VMP1: variants seen among roughly 807,000 people sequenced by gnomAD.
The protein encoded by VMP1 is vacuole membrane protein 1, also known as ectopic P-granules autophagy protein 3 homolog.
Under a neutral mutation model 56.0 loss-of-function variants are expected in VMP1, and 11 were observed. That is an observed-to-expected ratio of 0.20 (90% CI 0.12 to 0.32). The LOEUF is 0.32. VMP1 is among the 10% of genes least tolerant of loss of function. The pLI, the probability that VMP1 is intolerant of heterozygous loss-of-function variation, is 1.00. For synonymous variants in VMP1, 149 were observed against 165.0 expected, an observed-to-expected ratio of 0.90 and a Z score of 0.74; for missense variants, 296 against 490.3, an observed-to-expected ratio of 0.60 and a Z score of 3.74.
At chr17:59,790,815 A>G (rs2037198291) in intron 7 of VMP1, among the ~76,000 whole-genome samples, 1 of 152,206 alleles carries the variant, frequency 6.6e-6, no homozygotes, top group African/African-American at 2.4e-5. Context: ...TTTAAAGTTT[A>G]CACTCAAATT....
intron 10 of VMP1, 73 bp downstream of exon 10, chr17:59,817,846 T>C (rs2038299736): frequency 8.3e-7 from 1 of 1,204,760 alleles, no homozygotes; most frequent in South Asian, 1.6e-5. Context: ...CAAGACTGAA[T>C]TGAAATAGAA....
chr17:59,807,258 T>G (rs2144204480), intron 7 of VMP1, among the ~76,000 whole-genome samples: 1 of 150,160 alleles, frequency 6.7e-6, no homozygotes, highest in African/African-American at 2.5e-5. Flanking sequence ...AGTGCAGTGG[T>G]GCGATTTCAG....
Position 59,809,002 on chromosome 17 carries a change from C to G in VMP1, c.795+126C>G, listed in dbSNP as rs572977371. The stretch of plus-strand genomic sequence containing the variant: ...GGTATGTAATTTTGTGAATCATTCA[C>G]CTTTTTTTTTTTTTAAGACGGAGTC... On this transcript the variant is annotated intron_variant, in intron 8 of 11. Coordinates refer to ENST00000262291, the MANE Select transcript of VMP1 (RefSeq NM_030938.5). 2.4e-4 allele frequency: 186 copies of G among 759,340 alleles called. No homozygotes were observed. The African/African-American group carries it at 2.7e-3, about 11-fold the overall frequency. 47.0% of individuals were successfully genotyped at this position (759,340 alleles called of 1,614,324 possible).
At chr17:59,772,488 G>T (rs2036462140) in intron 6 of VMP1, among the ~76,000 whole-genome samples, 1 of 151,750 alleles carries the variant, frequency 6.6e-6, no homozygotes, top group African/African-American at 2.4e-5. Flanking sequence ...GCAGAGCTTG[G>T]CTGGGCGTGG....
intron 5 of VMP1, among the ~76,000 whole-genome samples, chr17:59,751,144 G>A (rs977835266): frequency 5.9e-5 from 9 of 152,084 alleles, no homozygotes; most frequent in Non-Finnish European, 2.9e-5. Flanking sequence ...GTGTTAGCCA[G>A]GATGGTCTTG....
At chr17:59,771,696 T>C (rs1347874918) in intron 6 of VMP1, among the ~76,000 whole-genome samples, 1 of 142,556 alleles carries the variant, frequency 7.0e-6, no homozygotes, top group Non-Finnish European at 1.5e-5. Flanking sequence ...AGCCTTGACC[T>C]CCTGGGCCCA....
intron 1 of VMP1, among the ~76,000 whole-genome samples, chr17:59,713,812 G>A (rs2143702132): frequency 6.6e-6 from 1 of 151,092 alleles, no homozygotes; most frequent in East Asian, 1.9e-4. Flanking sequence ...AGGCCAAGGT[G>A]CGCAGATCAC....
intron 6 of VMP1, among the ~76,000 whole-genome samples, chr17:59,771,606 GT>G (rs1306304917): frequency 0.014 from 1,727 of 123,428 alleles, 7 homozygotes; most frequent in African/African-American, 0.027. Flanking sequence ...GGTTTTTTTG[GT>G]TTTTTTTTTT....
At chr17:59,798,900 A>G (rs1399243495) in intron 7 of VMP1, among the ~76,000 whole-genome samples, 1 of 152,222 alleles carries the variant, frequency 6.6e-6, no homozygotes, top group Non-Finnish European at 1.5e-5. Flanking sequence ...AGAAAAAAAT[A>G]AAAAGAAAAA....
intron 10 of VMP1, 190 bp from the exon 11 acceptor site, chr17:59,838,105 T>C (rs1012341617): frequency 6.1e-4 from 157 of 257,130 alleles, no homozygotes; most frequent in Middle Eastern, 4.1e-3. Context: ...ATTTTCTTTT[T>C]TTTTTTTTTT....
intron 10 of VMP1, among the ~76,000 whole-genome samples, chr17:59,830,073 C>G (rs1478869916): frequency 6.6e-6 from 1 of 152,126 alleles, no homozygotes; most frequent in Non-Finnish European, 1.5e-5. Flanking sequence ...AATTTTATAA[C>G]TCTGGGCACA....
chr17:59,715,740 C>A (rs1331135188), intron 1 of VMP1, among the ~76,000 whole-genome samples: 1 of 151,990 alleles, frequency 6.6e-6, no homozygotes, highest in Non-Finnish European at 1.5e-5. Context: ...AAATTTGTCT[C>A]TAAATATTTT....
chr17:59,731,562 T>A (rs2034825877), intron 2 of VMP1, 40 bp downstream of exon 2: 1 of 1,400,974 alleles, frequency 7.1e-7, no homozygotes. Context: ...GCTATGGGTT[T>A]AAATGATATA....
At chr17:59,749,247 A>G (rs540656106) in intron 5 of VMP1, among the ~76,000 whole-genome samples, 12 of 151,666 alleles carry the variant, frequency 7.9e-5, no homozygotes, top group Admixed American at 7.2e-4. Context: ...GTGAGCCACC[A>G]TGCCCAGCCA....
intron 1 of VMP1, among the ~76,000 whole-genome samples, chr17:59,709,805 C>T (rs1046845782): frequency 1.6e-4 from 24 of 152,176 alleles, no homozygotes; most frequent in African/African-American, 5.8e-4. Flanking sequence ...TGTATTGTCA[C>T]TTCAGAACTT....
At chr17:59,713,925 C>A (rs943957556) in intron 1 of VMP1, among the ~76,000 whole-genome samples, 10 of 151,016 alleles carry the variant, frequency 6.6e-5, no homozygotes, top group African/African-American at 2.4e-4. Context: ...CCTGTAATCC[C>A]CACTGCTAGG....
At chr17:59,785,285 G>C (rs2036968870) in intron 7 of VMP1, among the ~76,000 whole-genome samples, 1 of 152,170 alleles carries the variant, frequency 6.6e-6, no homozygotes, top group South Asian at 2.1e-4. Flanking sequence ...TTAGGTTGCT[G>C]ACTATGTGAA....
intron 7 of VMP1, among the ~76,000 whole-genome samples, chr17:59,790,335 T>G (rs959510214): frequency 8.5e-5 from 13 of 152,178 alleles, no homozygotes; most frequent in Non-Finnish European, 1.3e-4. Context: ...GGGATATATT[T>G]TAGATTTTTT....
intron 8 of VMP1, 35 bp from the exon 9 acceptor site, chr17:59,811,635 T>C (rs1008485559): frequency 1.4e-6 from 2 of 1,465,068 alleles, no homozygotes; most frequent in African/African-American, 1.4e-5. Flanking sequence ...GTTCTTTGGA[T>C]TATAATATGG....
Sources: gnomAD v4.1 joint callset for allele counts (sites outside exome capture counted in the v4.1 genomes callset) on GRCh38, gnomAD v4.1.1 for gene constraint, MANE v1.5 for transcripts, NCBI Gene and HGNC (gene_info 2026-07-23, HGNC 2026-07-21) for gene names.